Variants in IQCH observed in about 807,000 individuals in gnomAD.
The protein encoded by IQCH is IQ motif containing H, also known as IQ domain-containing protein H.
In IQCH, 98 loss-of-function variants were observed where a neutral mutation model predicts 117.0. That is an observed-to-expected ratio of 0.84 (90% CI 0.71 to 0.99). The LOEUF is 0.99. Among genes scored for constraint, IQCH ranks in the 50% least tolerant of loss-of-function variants. IQCH has a pLI of 0.00. For synonymous variants in IQCH, 412 were observed against 448.2 expected, an observed-to-expected ratio of 0.92 and a Z score of 1.02; for missense variants, 1,102 against 1,243.8, an observed-to-expected ratio of 0.89 and a Z score of 1.72.
intron 1 of IQCH, 179 bp downstream of exon 1, chr15:67,255,126 C>G (rs756879988): frequency 7.7e-6 from 5 of 650,194 alleles, no homozygotes; most frequent in Admixed American, 2.5e-5. Context: ...AGCACACTCC[C>G]GGTGACTTAC....
At chr15:67,354,179 T>C (rs1450034960) in intron 6 of IQCH, among the ~76,000 whole-genome samples, 2 of 152,166 alleles carry the variant, frequency 1.3e-5, no homozygotes, top group African/African-American at 2.4e-5. Flanking sequence ...AGAAAAAATA[T>C]ACATAGATCA....
intron 16 of IQCH, among the ~76,000 whole-genome samples, chr15:67,442,592 T>G (rs1307803742): frequency 6.6e-6 from 1 of 152,042 alleles, no homozygotes; most frequent in Non-Finnish European, 1.5e-5. Flanking sequence ...GAATGTAAAC[T>G]AGTACAGCCA....
intron 6 of IQCH, among the ~76,000 whole-genome samples, chr15:67,346,313 C>G (rs943160269): frequency 6.7e-6 from 1 of 149,682 alleles, no homozygotes; most frequent in South Asian, 2.1e-4. Flanking sequence ...AACTAGTAAC[C>G]CCCCCCCAAA....
chr15:67,257,539 A>G (rs1393779031), intron 1 of IQCH, among the ~76,000 whole-genome samples: 1 of 152,230 alleles, frequency 6.6e-6, no homozygotes, highest in Non-Finnish European at 1.5e-5. Context: ...CATCTTGCCC[A>G]TTGTAATACA....
chr15:67,469,382 CT>C (rs1209936654), intron 17 of IQCH, among the ~76,000 whole-genome samples: 1 of 152,190 alleles, frequency 6.6e-6, no homozygotes, highest in Non-Finnish European at 1.5e-5. Context: ...CCCAGGCAGC[CT>C]CATGTGTTGC....
chr15:67,482,507 T>C (rs1330196680), intron 18 of IQCH, among the ~76,000 whole-genome samples: 3 of 152,244 alleles, frequency 2.0e-5, no homozygotes, highest in Non-Finnish European at 4.4e-5. Flanking sequence ...TTTTATACCT[T>C]GTTAAATATT....
intron 18 of IQCH, among the ~76,000 whole-genome samples, chr15:67,484,266 C>T (rs1255925568): frequency 1.3e-5 from 2 of 151,862 alleles, no homozygotes; most frequent in Non-Finnish European, 2.9e-5. Context: ...ATTAGCAGGG[C>T]ACGGTGGCAC....
chr15:67,273,584 C>CT (rs904976242), intron 3 of IQCH, among the ~76,000 whole-genome samples: 2 of 152,050 alleles, frequency 1.3e-5, no homozygotes, highest in African/African-American at 4.8e-5. Flanking sequence ...TACATTTTGA[C>CT]TTTTTTTGGT....
chr15:67,423,175 GAGGC>G (rs1248185591), intron 16 of IQCH, among the ~76,000 whole-genome samples: 1 of 152,202 alleles, frequency 6.6e-6, no homozygotes, highest in Non-Finnish European at 1.5e-5. Context: ...CCCTGTGGTG[GAGGC>G]AGGACAGAAA....
rs185334127 is a variant in IQCH, at chr15:67,426,076, A to G, written c.2505+4499A>G. On this transcript the variant is annotated intron_variant, in intron 16 of 20. Coordinates refer to ENST00000335894, the MANE Select transcript of IQCH (RefSeq NM_001031715.3). The surrounding 1 kb of genome is among the most constrained non-coding windows in gnomAD (Gnocchi z 5.1). ...ACTTTCTGACACAATAAGATGTTCC[A>G]GGCTCATTTTCTATTTTCCTTGCCC... 6.6e-6 allele frequency among the ~76,000 whole-genome samples: 1 copy of G among 152,304 alleles called. No individual in the cohort carries two copies. Among genetic ancestry groups the G allele is most frequent in the Admixed American group, 6.5e-5 (1 of 15,306 alleles).
rs1420039831 is a variant in IQCH, at chr15:67,443,513, A to C, written c.2506-21614A>C. Among the ~76,000 whole-genome samples, 3 of 152,120 alleles carry C rather than the reference A, an allele frequency of 2.0e-5. No individual in the cohort carries two copies. Among genetic ancestry groups the C allele is most frequent in the African/African-American group, 7.2e-5 (3 of 41,408 alleles). ...GTGATGGGTGCAGCAAATTTTCACA[A>C]ATCACCACAAAAGAACTTACTCATG... On this transcript the variant is annotated intron_variant, in intron 16 of 20. Transcript: ENST00000335894. This position sits in a 1 kb window ranked among gnomAD's most constrained non-coding sequence, Gnocchi z 5.0.
intron 4 of IQCH, among the ~76,000 whole-genome samples, chr15:67,301,567 A>G (rs900381482): frequency 6.6e-6 from 1 of 151,544 alleles, no homozygotes; most frequent in Non-Finnish European, 1.5e-5. Context: ...ACGCTACTAC[A>G]CCTGGCTAAT....
At position 67,433,395 on chromosome 15, in the gene IQCH, C is replaced by T. The variant is rs917282562; in HGVS notation, c.2505+11818C>T. On this transcript the variant is annotated intron_variant, in intron 16 of 20. Coordinates refer to ENST00000335894, the MANE Select transcript of IQCH (RefSeq NM_001031715.3). This position sits in a 1 kb window ranked among gnomAD's most constrained non-coding sequence, Gnocchi z 5.4. ...GCTATGTATATATTACCATTTGTGA[C>T]TGTCCTTAAATGTTTGGTTAACCCC... 6.6e-6 allele frequency among the ~76,000 whole-genome samples: 1 copy of T among 152,184 alleles called. No individual in the cohort carries two copies. The highest frequency in any genetic ancestry group is 1.5e-5 in the Non-Finnish European group (1 of 68,028).
chr15:67,365,044 C>T lies in IQCH; in HGVS notation c.753+5159C>T, dbSNP rs1406704943. On this transcript the variant is annotated intron_variant, in intron 8 of 20. Transcript: ENST00000335894. The surrounding 1 kb of genome is among the most constrained non-coding windows in gnomAD (Gnocchi z 4.4). ...CAGCCTTGACCTGCCGGGGCTCAAG[C>T]AGTCCTCCCACCTCACAGTCCTGAG... Among the ~76,000 whole-genome samples the T allele has an allele frequency of 1.3e-5, 2 of 152,210 alleles. No homozygotes were observed. Among genetic ancestry groups the T allele is most frequent in the Non-Finnish European group, 2.9e-5 (2 of 68,046 alleles).
chr15:67,494,351 C>T lies in IQCH; in HGVS notation c.2955C>T (p.Gly985=), dbSNP rs2083747461. 5 of 1,610,764 alleles carry T rather than the reference C, an allele frequency of 3.1e-6. No homozygotes were observed. The highest frequency in any genetic ancestry group is 4.2e-6 in the Non-Finnish European group (5 of 1,178,468). ...AAATATCAGCACCTAATATGCAAGG[C>T]GAGACCAATTTTAAGGTGAGGTGTT... ...HQEISAPNMQ[G]ETNFKTTIAD... Residue 985 remains glycine, a synonymous_variant, in exon 20 of 21, where the codon GGC becomes GGT. Coordinates refer to ENST00000335894, the MANE Select transcript of IQCH (RefSeq NM_001031715.3). The surrounding 1 kb of genome is among the most constrained non-coding windows in gnomAD (Gnocchi z 5.5).
At chr15:67,486,728 T>C (rs2083491678) in intron 18 of IQCH, among the ~76,000 whole-genome samples, 1 of 152,198 alleles carries the variant, frequency 6.6e-6, no homozygotes, top group Non-Finnish European at 1.5e-5. Context: ...GCAACGTTTT[T>C]TAAAAGTAAA....
At chr15:67,255,958 C>G (rs551272186) in intron 1 of IQCH, among the ~76,000 whole-genome samples, 4 of 152,134 alleles carry the variant, frequency 2.6e-5, no homozygotes, top group African/African-American at 9.7e-5. Flanking sequence ...TCTGAGGGAA[C>G]GGTCCACAAA....
chr15:67,336,767 G>A (rs1012728613), intron 4 of IQCH, among the ~76,000 whole-genome samples: 22 of 152,048 alleles, frequency 1.4e-4, no homozygotes, highest in African/African-American at 5.3e-4. Flanking sequence ...CTTGTTAATT[G>A]GATTTAATTA....
chr15:67,382,012 G>A (rs1423260593), intron 10 of IQCH, among the ~76,000 whole-genome samples: 1 of 151,848 alleles, frequency 6.6e-6, no homozygotes, highest in South Asian at 2.1e-4. Flanking sequence ...GATTTTTTGA[G>A]TACGGGCTTC....
Sources: allele counts gnomAD v4.1 joint callset (sites outside exome capture counted in the v4.1 genomes callset), GRCh38; gene constraint gnomAD v4.1.1; non-coding constraint Gnocchi (gnomAD v3.1); transcripts MANE v1.5; gene names NCBI Gene and HGNC (gene_info 2026-07-23, HGNC 2026-07-21).